Variants in UHRF2 observed in about 807,000 individuals in gnomAD.
UHRF2 encodes E3 ubiquitin-protein ligase UHRF2.
In UHRF2, 23 loss-of-function variants were observed where a neutral mutation model predicts 96.8. That is an observed-to-expected ratio of 0.24 (90% CI 0.17 to 0.34). The LOEUF (loss-of-function observed/expected upper bound fraction) is 0.34, where lower values mean the gene tolerates loss of function less well. Ranked by LOEUF, UHRF2 falls within the 10% of genes least tolerant of loss-of-function variation. UHRF2 has a pLI of 1.00. For synonymous variants in UHRF2, 385 were observed against 332.6 expected, an observed-to-expected ratio of 1.16 and a Z score of -1.72; for missense variants, 685 against 981.5, an observed-to-expected ratio of 0.70 and a Z score of 4.04.
intron 14 of UHRF2, among the ~76,000 whole-genome samples, chr9:6,504,182 C>T (rs1418971849): frequency 1.3e-5 from 2 of 151,836 alleles, no homozygotes; most frequent in East Asian, 1.9e-4. Context: ...CACGCCGCCA[C>T]GCCCAGATAA....
intron 3 of UHRF2, among the ~76,000 whole-genome samples, chr9:6,451,018 G>C (rs992212443): frequency 6.6e-6 from 1 of 152,126 alleles, no homozygotes; most frequent in Non-Finnish European, 1.5e-5. Context: ...ATTTAGAGGA[G>C]GAAAGGGTTA....
chr9:6,416,535 CTTTTT>C (rs60522189), intron 1 of UHRF2, among the ~76,000 whole-genome samples: 5 of 64,934 alleles, frequency 7.7e-5, no homozygotes, highest in East Asian at 5.5e-4. Context: ...ATCTCTAAAT[CTTTTT>C]TTTTTTTTTT....
chr9:6,438,350 G>A (rs926308705), intron 3 of UHRF2, among the ~76,000 whole-genome samples: 2 of 152,188 alleles, frequency 1.3e-5, no homozygotes, highest in African/African-American at 4.8e-5. Context: ...GTTAGTAATT[G>A]TATTAGATGA....
chr9:6,424,190 G>C (rs922256196), intron 2 of UHRF2, among the ~76,000 whole-genome samples: 1 of 152,188 alleles, frequency 6.6e-6, no homozygotes, highest in Admixed American at 6.5e-5. Context: ...GGAGAGCTGA[G>C]AAAATGTTTT....
chr9:6,497,252 T>G lies in UHRF2; in HGVS notation c.1659T>G (p.Ser553=). 6.2e-7 allele frequency: 1 copy of G among 1,614,010 alleles called. No homozygotes were observed. The highest frequency in any genetic ancestry group is 8.5e-7 in the Non-Finnish European group (1 of 1,179,938). The part of the protein sequence containing the change: ...APLDDKIGAE[S]RNWRAGKPVR... ...TGGATGATAAAATTGGAGCAGAGTC[T>G]CGGAATTGGAGAGCTGGTAAGCCAG... Residue 553 remains serine (S), a synonymous_variant, in exon 11 of 16, where the codon TCT becomes TCG. Coordinates refer to ENST00000276893, the MANE Select transcript of UHRF2 (RefSeq NM_152896.3).
At chr9:6,469,896 A>G (rs908503799) in intron 4 of UHRF2, among the ~76,000 whole-genome samples, 2 of 152,072 alleles carry the variant, frequency 1.3e-5, no homozygotes, top group South Asian at 2.1e-4. Context: ...GATTAAAGAT[A>G]CAAGTTCAGG....
chr9:6,505,382 G>A (rs1023947484), intron 15 of UHRF2, among the ~76,000 whole-genome samples: 5 of 151,980 alleles, frequency 3.3e-5, no homozygotes, highest in Admixed American at 6.6e-5. Flanking sequence ...TGTAACCTCT[G>A]CCTCCCCATT....
intron 10 of UHRF2, chr9:6,495,381 G>A (rs969101873): frequency 6.6e-6 from 1 of 152,224 alleles, no homozygotes; most frequent in East Asian, 1.9e-4. Flanking sequence ...ACGTTAAGTT[G>A]TGAATACGCC....
intron 2 of UHRF2, among the ~76,000 whole-genome samples, chr9:6,429,084 G>A (rs1401091727): frequency 6.6e-6 from 1 of 151,916 alleles, no homozygotes; most frequent in African/African-American, 2.4e-5. Context: ...AGAATTGCTT[G>A]TACCTGGGAG....
At position 6,413,663 on chromosome 9, in the gene UHRF2, C is replaced by T. The variant is rs1226291122; in HGVS notation, c.153+20C>T. ...AAGCAGGTGAGGCGCGCCCGCCGCG[C>T]CCCTAGCGAGGCTGGGGGCCGGAAC... is the stretch of plus-strand genomic sequence containing the variant. On this transcript the variant is annotated intron_variant, in intron 1 of 15. Coordinates refer to ENST00000276893, the MANE Select transcript of UHRF2 (RefSeq NM_152896.3). 1.9e-6 allele frequency: 3 copies of T among 1,555,554 alleles called. No homozygotes were observed. Among genetic ancestry groups the T allele is most frequent in the Admixed American group, 1.9e-5 (1 of 52,276 alleles).
rs1049514153 is a variant in UHRF2 at position 6,506,931 on chromosome 9, C to T, written c.*752C>T. 2 of 152,604 alleles carry T rather than the reference C, an allele frequency of 1.3e-5. No homozygotes were observed. Among genetic ancestry groups the T allele is most frequent in the African/African-American group, 4.8e-5 (2 of 41,426 alleles). The allele number at this position is 152,604 out of a possible 1,614,324, so 9.5% of individuals were successfully genotyped here. On this transcript the variant is annotated 3_prime_UTR_variant, in exon 16 of 16. Coordinates refer to ENST00000276893, the MANE Select transcript of UHRF2 (RefSeq NM_152896.3). Reference sequence around the variant, plus strand: ...TGTCTCACCAGTGGTTTTACATCTGCAGAGTTTTGAGGGCTGTGCTGACCT... The same window carrying T: ...TGTCTCACCAGTGGTTTTACATCTGTAGAGTTTTGAGGGCTGTGCTGACCT...
chr9:6,469,465 C>T (rs567309873), intron 4 of UHRF2, among the ~76,000 whole-genome samples: 4 of 151,974 alleles, frequency 2.6e-5, no homozygotes, highest in African/African-American at 9.6e-5. Flanking sequence ...TTGCAGTGAG[C>T]CAAGATTGCG....
intron 4 of UHRF2, among the ~76,000 whole-genome samples, chr9:6,474,365 T>C (rs964159290): frequency 1.1e-4 from 16 of 152,176 alleles, no homozygotes; most frequent in Non-Finnish European, 2.9e-5. Context: ...TCAGTAAGAT[T>C]TAGGCTTCTT....
At chr9:6,471,855 G>T (rs887574093) in intron 4 of UHRF2, among the ~76,000 whole-genome samples, 24 of 152,122 alleles carry the variant, frequency 1.6e-4, no homozygotes, top group African/African-American at 4.1e-4. Flanking sequence ...GTGGGAATAG[G>T]TTCCAAACTA....
At chr9:6,434,294 T>C in intron 3 of UHRF2, 121 bp downstream of exon 3, 5 of 1,287,112 alleles carry the variant, frequency 3.9e-6, no homozygotes, top group Non-Finnish European at 5.2e-6. Context: ...TATGTTCATT[T>C]GTTACTTTTT....
intron 3 of UHRF2, among the ~76,000 whole-genome samples, chr9:6,448,614 T>C (rs1431970225): frequency 6.6e-6 from 1 of 152,186 alleles, no homozygotes; most frequent in Admixed American, 6.5e-5. Context: ...TGTTAGTAAT[T>C]ATAAGAGGAG....
At chr9:6,481,184 C>A (rs1462169516) in intron 6 of UHRF2, among the ~76,000 whole-genome samples, 1 of 152,176 alleles carries the variant, frequency 6.6e-6, no homozygotes, top group Non-Finnish European at 1.5e-5. Context: ...TTAATATAAA[C>A]AAACATCCTT....
intron 9 of UHRF2, among the ~76,000 whole-genome samples, chr9:6,490,703 T>C (rs1298857469): frequency 6.6e-6 from 1 of 152,244 alleles, no homozygotes; most frequent in East Asian, 1.9e-4. Flanking sequence ...ATATACTTAC[T>C]GGTCAAACGT....
chr9:6,458,029 G>T (rs1822290108), intron 3 of UHRF2, among the ~76,000 whole-genome samples: 1 of 152,176 alleles, frequency 6.6e-6, no homozygotes, highest in Non-Finnish European at 1.5e-5. Flanking sequence ...CATAAAATGA[G>T]TTAGGGAGGA....
Sources: gnomAD v4.1 joint callset for allele counts (sites outside exome capture counted in the v4.1 genomes callset) on GRCh38, gnomAD v4.1.1 for gene constraint, MANE v1.5 for transcripts, NCBI Gene and HGNC (gene_info 2026-07-23, HGNC 2026-07-21) for gene names.